The following NANOGNB variants were observed in gnomAD, a reference collection of about 807,000 sequenced individuals.
NANOGNB encodes homeobox C14.
NANOGNB carries 30 observed loss-of-function variants against 25.0 expected under a neutral mutation model. The observed-to-expected ratio is 1.20, with a 90% CI of 0.90 to 1.63. The LOEUF is 1.63. Ranked by LOEUF, NANOGNB falls within the 40% of genes most tolerant of loss-of-function variation. NANOGNB has a pLI of 0.00. For missense variants in NANOGNB, 200 were observed against 188.1 expected (o/e 1.06, Z -0.37); for synonymous variants, 84 against 62.1 (o/e 1.35, Z -1.66).
At chr12:7,766,250 C>T (rs952210316) in intron 1 of NANOGNB, 4 of 397,922 alleles carry the variant, frequency 1.0e-5, no homozygotes, top group African/African-American at 6.2e-5. Flanking sequence ...CGGGGCAGAT[C>T]GCTTGAGCTC....
At chr12:7,766,360 C>A (rs975904986) in intron 1 of NANOGNB, among the ~76,000 whole-genome samples, 1 of 152,146 alleles carries the variant, frequency 6.6e-6, no homozygotes, top group Non-Finnish European at 1.5e-5. Flanking sequence ...GTAGTCCCAG[C>A]TACTCAGGAG....
chr12:7,773,702 G>T (rs1324978336), intron 3 of NANOGNB, 98 bp from the exon 4 acceptor site: 2 of 504,582 alleles, frequency 4.0e-6, no homozygotes, highest in South Asian at 6.4e-5. Context: ...TCCAGCTTGG[G>T]TGACAAGAGT....
intron 1 of NANOGNB, 47 bp from the exon 2 acceptor site, chr12:7,769,936 C>A: frequency 7.2e-7 from 1 of 1,384,922 alleles, no homozygotes; most frequent in South Asian, 1.5e-5. Context: ...CTCTGAAAGT[C>A]AAATTTAGCT....
At chr12:7,769,245 C>T (rs1159692356) in intron 1 of NANOGNB, among the ~76,000 whole-genome samples, 9 of 152,050 alleles carry the variant, frequency 5.9e-5, no homozygotes, top group Admixed American at 5.9e-4. Context: ...CTGCAACCTC[C>T]ACCCACCGGG....
chr12:7,770,178 CAG>C lies in NANOGNB; in HGVS notation c.300_301del (p.Lys101ThrfsTer21). On this transcript the variant is annotated frameshift_variant, in exon 2 of 4. Coordinates refer to ENST00000382119, the MANE Select transcript of NANOGNB (RefSeq NM_001145465.1). LOFTEE classifies it high-confidence loss of function. Reference sequence around the variant, plus strand: ...CAAAAGGAAAAGGGAAAATGAGAAACAGAAACAGTATCCCGAGAAAAGATTAG... The same window carrying C: ...CAAAAGGAAAAGGGAAAATGAGAAACAAACAGTATCCCGAGAAAAGATTAG... ...ENKRKRENEK[Q>X]KQYPEKRLVS... 5 of 1,551,704 alleles carry C rather than the reference CAG, an allele frequency of 3.2e-6. No individual in the cohort carries two copies. Among genetic ancestry groups the C allele is most frequent in the Non-Finnish European group, 4.4e-6 (5 of 1,146,932 alleles).
At chr12:7,765,569 C>CAAA (rs1187331161) in intron 1 of NANOGNB, among the ~76,000 whole-genome samples, 182 bp downstream of exon 1, 25 of 48,586 alleles carry the variant, frequency 5.1e-4, no homozygotes, top group African/African-American at 8.4e-4. Context: ...GACTCCGTCT[C>CAAA]AAAAAAAAAA....
chr12:7,773,070 A>G (rs866280757), intron 3 of NANOGNB, among the ~76,000 whole-genome samples: 1 of 150,518 alleles, frequency 6.6e-6, no homozygotes, highest in Non-Finnish European at 1.5e-5. Flanking sequence ...TTTGTTTCAC[A>G]TGTAGTGTTG....
intron 1 of NANOGNB, among the ~76,000 whole-genome samples, chr12:7,765,869 C>T (rs751473651): frequency 2.0e-5 from 3 of 152,060 alleles, no homozygotes; most frequent in Non-Finnish European, 2.9e-5. Flanking sequence ...ACATAGAAGA[C>T]TGGAAATAAA....
intron 1 of NANOGNB, 107 bp downstream of exon 1, chr12:7,765,494 C>T (rs990714950): frequency 8.9e-6 from 2 of 224,648 alleles, no homozygotes; most frequent in Admixed American, 5.9e-5. Flanking sequence ...GGCGTGAACC[C>T]GGGAGGCGGA....
Position 7,773,974 on chromosome 12 carries a change from C to A in NANOGNB, c.*123C>A. 1 of 465,180 alleles carries A rather than the reference C, an allele frequency of 2.1e-6. No individual in the cohort carries two copies. 28.8% of individuals were successfully genotyped at this position (465,180 alleles called of 1,614,324 possible). On this transcript the variant is annotated 3_prime_UTR_variant, in exon 4 of 4. Transcript: ENST00000382119. ...AGTTCTGAAAGGATAAACAAGAAAACATTAACAGTCGTTGATTCCGTGGAG... is the reference window on the plus strand; with the variant it reads ...AGTTCTGAAAGGATAAACAAGAAAAAATTAACAGTCGTTGATTCCGTGGAG...
Position 7,773,856 on chromosome 12 carries a change from C to A in NANOGNB, c.*5C>A. On this transcript the variant is annotated 3_prime_UTR_variant, in exon 4 of 4. Transcript: ENST00000382119. ...CGAACTCCTGCCCTCAAGTGATCTT[C>A]CTATTTTGGCCTCCAGAAATGCTGT... 1 of 608,990 alleles carries A rather than the reference C, an allele frequency of 1.6e-6. No individual in the cohort carries two copies. The highest frequency in any genetic ancestry group is 2.9e-6 in the Non-Finnish European group (1 of 345,872). The allele number at this position is 608,990 out of a possible 1,614,324, so 37.7% of individuals were successfully genotyped here. A position where few individuals can be genotyped will look rare whatever the true frequency, so the allele number is the denominator to read the frequency against.
rs1310339490 is a variant in NANOGNB at position 7,769,934 on chromosome 12, G to C, written c.103-49G>C. 16 of 1,368,594 alleles carry C rather than the reference G, an allele frequency of 1.2e-5. No homozygotes were observed. The Admixed American group carries it at 4.6e-4, about 39-fold the overall frequency. 84.8% of individuals were successfully genotyped at this position (1,368,594 alleles called of 1,614,324 possible). On this transcript the variant is annotated intron_variant, in intron 1 of 3. Transcript: ENST00000382119. ...GAAGATTGTTGACTATGCTCTGAAA[G>C]TCAAATTTAGCTGCAGCTTGATTTT...
At chr12:7,771,188 G>A (rs1166756549) in intron 3 of NANOGNB, among the ~76,000 whole-genome samples, 3 of 152,130 alleles carry the variant, frequency 2.0e-5, no homozygotes, top group Non-Finnish European at 2.9e-5. Context: ...TTTTTGGAAG[G>A]AATTAAGGAC....
Position 7,770,055 on chromosome 12 carries a change from G to A in NANOGNB, c.175G>A (p.Gly59Arg). 1 of 1,541,072 alleles carries A rather than the reference G, an allele frequency of 6.5e-7. No homozygotes were observed. The highest frequency in any genetic ancestry group is 1.2e-5 in the South Asian group (1 of 81,526). Residue 59 changes from glycine (G) to arginine (R), a missense_variant, in exon 2 of 4, where the codon GGA (glycine) becomes AGA (arginine). Physicochemically the swap from Gly to Arg is moderately radical, Grantham distance 125 (BLOSUM62 -2). Transcript: ENST00000382119. ...TGNYSEDEQN[G>R]KQKWREEGEA... ...AAATTACAGTGAAGATGAACAAAAT[G>A]GAAAGCAGAAATGGAGAGAAGAAGG...
rs912768251 is a variant in NANOGNB, at chr12:7,773,960, G to T, written c.*109G>T. 4.1e-6 allele frequency: 2 copies of T among 487,092 alleles called. No homozygotes were observed. The highest frequency in any genetic ancestry group is 6.9e-5 in the East Asian group (2 of 28,784). The allele number at this position is 487,092 out of a possible 1,614,324, so 30.2% of individuals were successfully genotyped here. ...TCACCAATAAATGGAGTTCTGAAAG[G>T]ATAAACAAGAAAACATTAACAGTCG... On this transcript the variant is annotated 3_prime_UTR_variant, in exon 4 of 4. Transcript: ENST00000382119.
intron 1 of NANOGNB, among the ~76,000 whole-genome samples, chr12:7,765,650 A>AG (rs1484179258): frequency 6.6e-6 from 1 of 150,498 alleles, no homozygotes; most frequent in Non-Finnish European, 1.5e-5. Context: ...TGACAGATTG[A>AG]GTTGAGCTAT....
Position 7,770,422 on chromosome 12 carries a change from A to G in NANOGNB, c.436-17A>G. On this transcript the variant is annotated splice_polypyrimidine_tract_variant and intron_variant, in intron 2 of 3. Coordinates refer to ENST00000382119, the MANE Select transcript of NANOGNB (RefSeq NM_001145465.1). ...TATTCCTGTATTAATCACCTCCCAC[A>G]CCTCATTTTTTTGTAGATAAGTCAA... The G allele has an allele frequency of 1.3e-6, 2 of 1,536,092 alleles. No homozygotes were observed. Among genetic ancestry groups the G allele is most frequent in the Non-Finnish European group, 1.8e-6 (2 of 1,136,948 alleles).
rs869038102 is a variant in NANOGNB at position 7,773,546 on chromosome 12, C to CAAAAAAAAAAAAAAAAA, written c.516-237_516-221dup. On this transcript the variant is annotated intron_variant, in intron 3 of 3. Transcript: ENST00000382119. ...TGAAACTCCATCTCTACTAAAAATA[C>CAAAAAAAAAAAAAAAAA]AAAAAAAAAAAAAAAAAAAAAAAAA... 2.1e-3 allele frequency among the ~76,000 whole-genome samples: 33 copies of CAAAAAAAAAAAAAAAAA among 15,444 alleles called. 8 individuals carry two copies. The highest frequency in any genetic ancestry group is 9.4e-3 in the East Asian group (3 of 318). The allele number at this position is 15,444 out of a possible 152,430, so 10.1% of individuals were successfully genotyped here. A position where few individuals can be genotyped will look rare whatever the true frequency, so the allele number is the denominator to read the frequency against.
intron 3 of NANOGNB, among the ~76,000 whole-genome samples, chr12:7,771,548 G>A (rs1287607859): frequency 1.3e-5 from 2 of 151,874 alleles, no homozygotes; most frequent in Non-Finnish European, 1.5e-5. Context: ...GCACTAGACC[G>A]TATATAGAAT....
Sources: gnomAD v4.1 joint callset for allele counts (sites outside exome capture counted in the v4.1 genomes callset) on GRCh38, gnomAD v4.1.1 for gene constraint, MANE v1.5 for transcripts, NCBI Gene and HGNC (gene_info 2026-07-23, HGNC 2026-07-21) for gene names.